Variants in RORA observed in about 807,000 individuals in gnomAD.
The protein encoded by RORA is RAR related orphan receptor A.
RORA carries 7 observed loss-of-function variants against 69.5 expected under a neutral mutation model. The ratio of observed to expected loss-of-function variants is 0.10; its 90% CI spans 0.06 to 0.19. The LOEUF (loss-of-function observed/expected upper bound fraction) is 0.19, where lower values mean the gene tolerates loss of function less well. Ranked by LOEUF, RORA falls within the 10% of genes least tolerant of loss-of-function variation. RORA has a pLI of 1.00. For missense variants in RORA, 457 were observed against 663.0 expected (o/e 0.69, Z 3.41); for synonymous variants, 261 against 240.8 (o/e 1.08, Z -0.78).
At chr15:60,955,799 T>C (rs1345533290) in intron 1 of RORA, among the ~76,000 whole-genome samples, 1 of 152,202 alleles carries the variant, frequency 6.6e-6, no homozygotes, top group South Asian at 2.1e-4. Flanking sequence ...TCCCAACGCC[T>C]CTCTAGTTCT....
intron 1 of RORA, among the ~76,000 whole-genome samples, chr15:60,796,399 A>G (rs1343469965): frequency 6.6e-6 from 1 of 152,236 alleles, no homozygotes; most frequent in Non-Finnish European, 1.5e-5. Context: ...CCAGGTCGGT[A>G]TAAGCTTTTC....
chr15:60,874,706 T>C (rs1595783119), intron 1 of RORA, among the ~76,000 whole-genome samples: 1 of 152,326 alleles, frequency 6.6e-6, no homozygotes, highest in Non-Finnish European at 1.5e-5. Flanking sequence ...TACAGAATTA[T>C]GGAAATTTAG....
In RORA at chr15:60,502,776, G is replaced by A. The variant is rs61760898; in HGVS notation, c.1167C>T (p.Asp389=). The part of the protein sequence containing the change: ...VYFDGKYASP[D]VFKSLGCEDF... The stretch of plus-strand genomic sequence containing the variant: ...TCCCCTTACCTAAGGATTTGAAGAC[G>A]TCGGGGCTGGCATACTTCCCATCAA... Residue 389 remains aspartate (D), a synonymous_variant, in exon 8 of 11, where the codon GAC becomes GAT. Coordinates refer to ENST00000335670, the MANE Select transcript of RORA (RefSeq NM_134261.3). 3.2e-5 allele frequency: 51 copies of A among 1,611,880 alleles called. No individual in the cohort carries two copies. Among genetic ancestry groups the A allele is most frequent in the East Asian group, 1.3e-4 (6 of 44,874 alleles).
chr15:60,808,720 C>A (rs1298642419), intron 1 of RORA, among the ~76,000 whole-genome samples: 1 of 148,784 alleles, frequency 6.7e-6, no homozygotes, highest in Non-Finnish European at 1.5e-5. Flanking sequence ...ATATATAAAA[C>A]ATAATTTATA....
At chr15:60,792,997 C>T (rs750296030) in intron 1 of RORA, among the ~76,000 whole-genome samples, 54 of 151,836 alleles carry the variant, frequency 3.6e-4, no homozygotes, top group Non-Finnish European at 1.0e-4. Flanking sequence ...TTCCTGCTCC[C>T]TTCCTCCCCA....
chr15:60,831,326 A>G (rs1184682758), intron 1 of RORA, among the ~76,000 whole-genome samples: 1 of 152,160 alleles, frequency 6.6e-6, no homozygotes, highest in African/African-American at 2.4e-5. Context: ...TATGCCTCGC[A>G]GGGGTCACCC....
chr15:61,059,907 C>T (rs918996323), intron 1 of RORA, among the ~76,000 whole-genome samples: 9 of 126,876 alleles, frequency 7.1e-5, no homozygotes, highest in Non-Finnish European at 1.5e-4. Context: ...CAGTTCCACA[C>T]GAAGAAGAAG....
At chr15:60,592,550 G>C (rs974324213) in intron 2 of RORA, 2 of 1,267,190 alleles carry the variant, frequency 1.6e-6, no homozygotes, top group Non-Finnish European at 2.0e-6. Flanking sequence ...GAGCCATCCC[G>C]AGCCATAAGA....
chr15:60,855,572 C>T (rs2256430), intron 1 of RORA, among the ~76,000 whole-genome samples: 132,952 of 152,244 alleles, frequency 0.87, 58,743 homozygotes, highest in East Asian at 0.99. Context: ...AATGTGTGGA[C>T]CCTTACACTT....
chr15:60,590,728 A>G (rs1388913403), intron 2 of RORA, among the ~76,000 whole-genome samples: 3 of 152,218 alleles, frequency 2.0e-5, no homozygotes, highest in African/African-American at 7.2e-5. Flanking sequence ...ATTTTTTAAC[A>G]TAAGAAGTCG....
intron 1 of RORA, among the ~76,000 whole-genome samples, chr15:61,055,339 G>C (rs1280308951): frequency 6.6e-6 from 1 of 152,184 alleles, no homozygotes; most frequent in African/African-American, 2.4e-5. Flanking sequence ...CATCGCAGCA[G>C]TTCCTGGAGT....
intron 1 of RORA, chr15:60,848,811 A>C (rs2073294526): frequency 1.3e-5 from 2 of 152,212 alleles, no homozygotes; most frequent in African/African-American, 4.8e-5. Flanking sequence ...TATCGTGAGA[A>C]TAGCAAGAGG....
intron 2 of RORA, among the ~76,000 whole-genome samples, chr15:60,543,120 G>A (rs16942744): frequency 0.029 from 4,022 of 137,774 alleles, 191 homozygotes; most frequent in African/African-American, 0.1. Flanking sequence ...AGCGCACCTC[G>A]TCTTGTTACG....
intron 1 of RORA, among the ~76,000 whole-genome samples, chr15:60,863,356 A>G (rs1377135947): frequency 1.3e-5 from 2 of 152,216 alleles, no homozygotes; most frequent in African/African-American, 4.8e-5. Flanking sequence ...AAAAAAATTC[A>G]TTCCCGAAGA....
At position 61,061,474 on chromosome 15, in the gene RORA, T is replaced by C. The variant is rs946456203; in HGVS notation, c.166+167579A>G. Among the ~76,000 whole-genome samples, 12 of 152,170 alleles carry C rather than the reference T, an allele frequency of 7.9e-5. No individual in the cohort carries two copies. Among genetic ancestry groups the C allele is most frequent in the African/African-American group, 2.4e-4 (10 of 41,448 alleles). On this transcript the variant is annotated intron_variant, in intron 1 of 10. Coordinates refer to ENST00000335670, the MANE Select transcript of RORA (RefSeq NM_134261.3). The surrounding 1 kb of genome is among the most constrained non-coding windows in gnomAD (Gnocchi z 4.4). ...TCTGTTGTTGCTGACCTGAGAGCTA[T>C]GGATGCTGTGAGCAGGGGCTTGGTA...
intron 1 of RORA, among the ~76,000 whole-genome samples, chr15:60,881,614 A>AAGAG (rs10549221): frequency 1.3e-5 from 2 of 150,878 alleles, no homozygotes; most frequent in African/African-American, 4.9e-5. Context: ...AAAAAACAAG[A>AAGAG]AGAGAGAGAG....
chr15:60,902,952 T>C (rs1242466206), intron 1 of RORA, among the ~76,000 whole-genome samples: 1 of 152,254 alleles, frequency 6.6e-6, no homozygotes, highest in Non-Finnish European at 1.5e-5. Flanking sequence ...ATTGAGGATA[T>C]CTGCCAGACA....
chr15:61,156,428 C>T (rs1483534795), intron 1 of RORA, among the ~76,000 whole-genome samples: 2 of 152,062 alleles, frequency 1.3e-5, no homozygotes, highest in Non-Finnish European at 2.9e-5. Context: ...GGCCGGCACC[C>T]CTACAGTACA....
chr15:61,107,705 T>C (rs930795778), intron 1 of RORA, among the ~76,000 whole-genome samples: 1 of 151,960 alleles, frequency 6.6e-6, no homozygotes. Flanking sequence ...TGTGGCTCTT[T>C]TGGCCCTTGA....
Sources: gnomAD v4.1 joint callset for allele counts (sites outside exome capture counted in the v4.1 genomes callset) on GRCh38, gnomAD v4.1.1 for gene constraint, Gnocchi (gnomAD v3.1) non-coding constraint, MANE v1.5 for transcripts, NCBI Gene and HGNC (gene_info 2026-07-23, HGNC 2026-07-21) for gene names.